Variants in LOC400499 observed in about 807,000 individuals in gnomAD.
the LOC400499 span, chr16:11,398,328 C>G: frequency 4.9e-6 from 6 of 1,232,282 alleles, no homozygotes; most frequent in Non-Finnish European, 6.1e-6. Context: ...CAGCTGCCCC[C>G]TTCTGCAGGG....
At chr16:11,448,076 G>A in the LOC400499 span, 2 of 1,533,520 alleles carry the variant, frequency 1.3e-6, no homozygotes, top group South Asian at 1.2e-5. Context: ...TTCCGGGGCT[G>A]CAACAAGATC....
chr16:11,494,501 C>G, the LOC400499 span: 1 of 385,008 alleles, frequency 2.6e-6, no homozygotes, highest in Non-Finnish European at 4.6e-6. Context: ...CCCTCTCCAC[C>G]TGGAGCTTGC....
chr16:11,426,709 G>A, the LOC400499 span, among the ~76,000 whole-genome samples: 1 of 149,918 alleles, frequency 6.7e-6, no homozygotes, highest in East Asian at 2.0e-4. Flanking sequence ...TAGGAGGATT[G>A]TTTAAGCTCA....
At chr16:11,447,041 G>T in the LOC400499 span, 1 of 1,090,360 alleles carries the variant, frequency 9.2e-7, no homozygotes, top group Non-Finnish European at 1.3e-6. Flanking sequence ...ACAGAGAAGA[G>T]AACATCAGGA....
At chr16:11,398,461 C>G in the LOC400499 span, 1 of 1,232,168 alleles carries the variant, frequency 8.1e-7, no homozygotes, top group African/African-American at 1.6e-5. Flanking sequence ...AGGACGTGCT[C>G]CAGCGTGGCC....
At chr16:11,425,953 G>C in the LOC400499 span, among the ~76,000 whole-genome samples, 5 of 152,020 alleles carry the variant, frequency 3.3e-5, no homozygotes, top group Non-Finnish European at 7.4e-5. Flanking sequence ...TCTTAACAAA[G>C]TATTAGGAAA....
the LOC400499 span, among the ~76,000 whole-genome samples, chr16:11,381,783 A>ATCAACATGTT: frequency 8.3e-4 from 127 of 152,268 alleles, no homozygotes; most frequent in Non-Finnish European, 2.1e-4. Context: ...GAGATCAGTT[A>ATCAACATGTT]TCAACATGTT....
At chr16:11,411,638 C>T in the LOC400499 span, among the ~76,000 whole-genome samples, 1 of 152,248 alleles carries the variant, frequency 6.6e-6, no homozygotes, top group East Asian at 1.9e-4. Context: ...GCCTCAGTTT[C>T]CCCATTGGTA....
the LOC400499 span, chr16:11,401,311 C>T: frequency 5.0e-6 from 2 of 399,106 alleles, no homozygotes; most frequent in African/African-American, 2.1e-5. Context: ...GGCCACTGGC[C>T]TCGGCTTGCC....
chr16:11,408,861 G>C, the LOC400499 span, among the ~76,000 whole-genome samples: 69 of 152,148 alleles, frequency 4.5e-4, no homozygotes, highest in East Asian at 0.011. Flanking sequence ...TGGATGGATA[G>C]AGAGCTATGT....
the LOC400499 span, chr16:11,439,558 A>C: frequency 2.5e-6 from 1 of 399,250 alleles, no homozygotes; most frequent in Non-Finnish European, 4.4e-6. Flanking sequence ...AGTCGGAGTC[A>C]GATCCGTTCA....
the LOC400499 span, among the ~76,000 whole-genome samples, chr16:11,506,508 A>G: frequency 6.6e-6 from 1 of 152,092 alleles, no homozygotes. Flanking sequence ...CAGAACACCC[A>G]AGATTGGTGA....
chr16:11,430,646 G>C, the LOC400499 span, among the ~76,000 whole-genome samples: 1 of 152,120 alleles, frequency 6.6e-6, no homozygotes, highest in Admixed American at 6.6e-5. Context: ...CTGGGCAAAG[G>C]GGCTGTGCGA....
At chr16:11,454,738 C>A in the LOC400499 span, among the ~76,000 whole-genome samples, 3 of 152,160 alleles carry the variant, frequency 2.0e-5, no homozygotes, top group Non-Finnish European at 4.4e-5. Flanking sequence ...GTTACAGAAC[C>A]CTTGGAAATG....
chr16:11,520,753 T>C, the LOC400499 span, among the ~76,000 whole-genome samples: 1 of 152,038 alleles, frequency 6.6e-6, no homozygotes, highest in Admixed American at 6.6e-5. Flanking sequence ...GGTTATATTT[T>C]GTTTCTTGCT....
chr16:11,418,039 C>G, the LOC400499 span, among the ~76,000 whole-genome samples: 1 of 152,132 alleles, frequency 6.6e-6, no homozygotes, highest in Non-Finnish European at 1.5e-5. Flanking sequence ...ACCCAGGAGA[C>G]CGTAGAGAAA....
the LOC400499 span, among the ~76,000 whole-genome samples, chr16:11,505,102 G>C: frequency 6.6e-6 from 1 of 151,102 alleles, no homozygotes; most frequent in East Asian, 1.9e-4. Context: ...CAGGGCACCA[G>C]CTCCTGAACC....
chr16:11,413,442 T>C, the LOC400499 span, among the ~76,000 whole-genome samples: 1 of 152,022 alleles, frequency 6.6e-6, no homozygotes, highest in East Asian at 1.9e-4. Flanking sequence ...GAAAGAAGCA[T>C]TGGCGCCTGG....
chr16:11,511,449 C>T, the LOC400499 span, among the ~76,000 whole-genome samples: 2 of 152,272 alleles, frequency 1.3e-5, no homozygotes, highest in South Asian at 2.1e-4. Flanking sequence ...ACTCCAAAGC[C>T]TCCTGGGAAT....
Sources: allele counts gnomAD v4.1 joint callset (sites outside exome capture counted in the v4.1 genomes callset), GRCh38; gene constraint gnomAD v4.1.1; transcripts MANE v1.5.